JAKMIP3: variants seen among roughly 807,000 people sequenced by gnomAD.
JAKMIP3 encodes the protein janus kinase and microtubule-interacting protein 3.
Under a neutral mutation model 118.5 loss-of-function variants are expected in JAKMIP3, and 58 were observed. The observed-to-expected ratio is 0.49, with a 90% confidence interval of 0.40 to 0.61. The LOEUF is 0.61. Among genes scored for constraint, JAKMIP3 ranks in the 20% least tolerant of loss-of-function variants. The probability of loss-of-function intolerance (pLI) is 0.00; values close to 1 mark genes in which losing one functional copy is unlikely to be tolerated. For missense variants in JAKMIP3, 950 were observed against 1,109.0 expected (o/e 0.86, Z 2.04); for synonymous variants, 486 against 451.2 (o/e 1.08, Z -0.98).
rs184385699 is a variant in JAKMIP3 at position 132,078,776 on chromosome 10, C to A, written c.-138+12715C>A. Among the ~76,000 whole-genome samples, 337 of 152,014 alleles carry A rather than the reference C, an allele frequency of 2.2e-3. 4 individuals are homozygous for A. The highest frequency in any genetic ancestry group is 7.6e-3 in the African/African-American group (317 of 41,562). ...GAAACAAAGTTTGCAGCTTTCCCCC[C>A]AGGCCCGTTTGAAGCTGCTCCCTTG... On this transcript the variant is annotated intron_variant, in intron 1 of 23. Transcript: ENST00000684848.
rs751857765 is a variant in JAKMIP3 at position 132,105,453 on chromosome 10, G to C, written c.135+510G>C. Among the ~76,000 whole-genome samples the C allele has an allele frequency of 9.9e-5, 15 of 152,210 alleles. No homozygotes were observed. The East Asian group carries it at 2.7e-3, about 28-fold the overall frequency. ...AAGCCCGGGGGATGGGGAGGCCCAC[G>C]ATGGCCTCTGGCTGGATGCCCAGCA... On this transcript the variant is annotated intron_variant, in intron 2 of 23. Coordinates refer to ENST00000684848, the MANE Select transcript of JAKMIP3 (RefSeq NM_001323087.2).
At chr10:132,043,639 T>TG (rs1243287383) in intron 1 of JAKMIP3, among the ~76,000 whole-genome samples, 2 of 152,092 alleles carry the variant, frequency 1.3e-5, no homozygotes, top group African/African-American at 4.8e-5. Context: ...GCTTTACCAA[T>TG]GTGGGGGTCC....
chr10:132,082,320 C>T (rs528487512), intron 1 of JAKMIP3, among the ~76,000 whole-genome samples: 4 of 151,848 alleles, frequency 2.6e-5, no homozygotes, highest in African/African-American at 7.3e-5. Context: ...GATTTTGGTG[C>T]ACCCGTCACT....
intron 1 of JAKMIP3, among the ~76,000 whole-genome samples, chr10:132,090,478 AT>A (rs1273339250): frequency 6.6e-6 from 1 of 151,834 alleles, no homozygotes; most frequent in Non-Finnish European, 1.5e-5. Context: ...TTTCTTCTAG[AT>A]TTTCTAGTTT....
chr10:132,078,614 G>A (rs921408903), intron 1 of JAKMIP3, among the ~76,000 whole-genome samples: 1 of 52,538 alleles, frequency 1.9e-5, no homozygotes, highest in African/African-American at 1.7e-4. Context: ...GACCTTCTCT[G>A]GGGGCGGGGG....
intron 3 of JAKMIP3, among the ~76,000 whole-genome samples, chr10:132,124,765 C>T (rs535798985): frequency 6.6e-5 from 10 of 152,322 alleles, no homozygotes; most frequent in East Asian, 5.8e-4. Flanking sequence ...CATGGGGCGA[C>T]GAGGGGAATC....
At chr10:132,135,867 T>C in intron 5 of JAKMIP3, 63 bp from the exon 6 acceptor site, 1 of 1,542,756 alleles carries the variant, frequency 6.5e-7, no homozygotes, top group South Asian at 1.2e-5. Flanking sequence ...CAGCCGACTC[T>C]GCGTGGAGAC....
intron 9 of JAKMIP3, among the ~76,000 whole-genome samples, chr10:132,138,978 C>A (rs1016759647): frequency 6.6e-5 from 10 of 152,168 alleles, no homozygotes; most frequent in African/African-American, 2.4e-4. Context: ...TTGTGATAAA[C>A]CTATGATTTT....
chr10:132,082,898 G>A (rs762373724), intron 1 of JAKMIP3, among the ~76,000 whole-genome samples: 4 of 152,214 alleles, frequency 2.6e-5, no homozygotes, highest in African/African-American at 4.8e-5. Context: ...GTGAACCACC[G>A]CGCCCGGCCT....
chr10:132,181,024 G>A (rs2061392331), intron 23 of JAKMIP3, among the ~76,000 whole-genome samples: 1 of 152,072 alleles, frequency 6.6e-6, no homozygotes, highest in African/African-American at 2.4e-5. Flanking sequence ...GTGTGTATGT[G>A]CTGTTTGCAC....
At chr10:132,152,677 G>C (rs539942592) in intron 16 of JAKMIP3, among the ~76,000 whole-genome samples, 27 of 152,330 alleles carry the variant, frequency 1.8e-4, no homozygotes, top group Non-Finnish European at 3.4e-4. Flanking sequence ...GCATTGAGCA[G>C]CGCATACGCA....
intron 12 of JAKMIP3, 128 bp from the exon 13 acceptor site, chr10:132,145,390 T>C: frequency 9.7e-7 from 1 of 1,025,806 alleles, no homozygotes; most frequent in East Asian, 2.6e-5. Context: ...ATTTTTGTAT[T>C]TTTTGTAGAG....
intron 22 of JAKMIP3, among the ~76,000 whole-genome samples, chr10:132,167,414 G>A (rs528584144): frequency 8.5e-5 from 13 of 152,300 alleles, no homozygotes; most frequent in African/African-American, 2.9e-4. Context: ...GGGCAGACAC[G>A]GTGGTTCTGT....
intron 1 of JAKMIP3, among the ~76,000 whole-genome samples, chr10:132,100,194 C>T (rs532415838): frequency 2.6e-5 from 4 of 152,298 alleles, no homozygotes; most frequent in Admixed American, 2.6e-4. Context: ...CACAGACCCC[C>T]ACACAGGTCC....
chr10:132,104,648 A>C, intron 1 of JAKMIP3, 24 bp from the exon 2 acceptor site: 4 of 719,314 alleles, frequency 5.6e-6, no homozygotes, highest in Non-Finnish European at 4.6e-6. Flanking sequence ...GGAGCTGCTC[A>C]CCGCGGTGTG....
At chr10:132,159,844 T>TG (rs1394976277) in intron 19 of JAKMIP3, among the ~76,000 whole-genome samples, 18 of 48,876 alleles carry the variant, frequency 3.7e-4, no homozygotes, top group Non-Finnish European at 4.4e-4. Context: ...TGTGTGATGC[T>TG]GGGGGGCCTC....
chr10:132,142,488 C>T (rs2818386), intron 11 of JAKMIP3, among the ~76,000 whole-genome samples: 1,681 of 151,848 alleles, frequency 0.011, 22 homozygotes, highest in African/African-American at 0.038. Context: ...GCCCCGGCCC[C>T]GGCCCCGGCC....
rs2061592531 is a variant in JAKMIP3 at position 132,182,611 on chromosome 10, C to CA, written c.*1359dup. The CA allele has an allele frequency of 6.6e-6, 1 of 152,262 alleles. No individual in the cohort carries two copies. The highest frequency in any genetic ancestry group is 2.4e-5 in the African/African-American group (1 of 41,544). The allele number at this position is 152,262 out of a possible 1,614,324, so 9.4% of individuals were successfully genotyped here. ...CATGTTTTCACGCAACCAGAAGAGCCATTCGTGGGATTTAGCCATTTCGAG... is the reference window on the plus strand; with the variant it reads ...CATGTTTTCACGCAACCAGAAGAGCCAATTCGTGGGATTTAGCCATTTCGAG... On this transcript the variant is annotated 3_prime_UTR_variant, in exon 24 of 24. Coordinates refer to ENST00000684848, the MANE Select transcript of JAKMIP3 (RefSeq NM_001323087.2).
chr10:132,182,348 CTT>C lies in JAKMIP3; in HGVS notation c.*1104-5_*1104-4del, dbSNP rs753874470. The C allele has an allele frequency of 1.3e-5, 2 of 152,066 alleles. No individual in the cohort carries two copies. The highest frequency in any genetic ancestry group is 2.9e-5 in the Non-Finnish European group (2 of 68,050). 9.4% of individuals were successfully genotyped at this position (152,066 alleles called of 1,614,324 possible). A position where few individuals can be genotyped will look rare whatever the true frequency, so the allele number is the denominator to read the frequency against. ...CGCACTAAACGGCGTTTTCTCCACT[CTT>C]TTTCAGAGAGGAAGCAGTGCATTGG... On this transcript the variant is annotated splice_polypyrimidine_tract_variant and splice_region_variant and intron_variant, in intron 23 of 23. Coordinates refer to ENST00000684848, the MANE Select transcript of JAKMIP3 (RefSeq NM_001323087.2).
Sources: gnomAD v4.1 joint callset for allele counts (sites outside exome capture counted in the v4.1 genomes callset) on GRCh38, gnomAD v4.1.1 for gene constraint, MANE v1.5 for transcripts, NCBI Gene and HGNC (gene_info 2026-07-23, HGNC 2026-07-21) for gene names.